The following SPMIP2 variants were observed in gnomAD, a reference collection of about 807,000 sequenced individuals.
SPMIP2 encodes the protein sperm microtubule inner protein 2.
the SPMIP2 span, among the ~76,000 whole-genome samples, chr4:158,900,853 A>G: frequency 0.013 from 1,961 of 152,236 alleles, 17 homozygotes; most frequent in Non-Finnish European, 0.02. Flanking sequence ...TAATATTGTT[A>G]TATGTGAATG....
At chr4:158,988,590 AAAT>A in the SPMIP2 span, among the ~76,000 whole-genome samples, 7 of 152,348 alleles carry the variant, frequency 4.6e-5, no homozygotes, top group Middle Eastern at 6.8e-3. Context: ...CAACCTACAC[AAAT>A]CAATAAAAGT....
At chr4:158,995,821 C>T in the SPMIP2 span, among the ~76,000 whole-genome samples, 1 of 141,316 alleles carries the variant, frequency 7.1e-6, no homozygotes, top group South Asian at 2.2e-4. Context: ...TGCACCACCG[C>T]ACTCCAGCCT....
chr4:158,964,151 T>TCAAAACAAAACAAAACAAAA, the SPMIP2 span, among the ~76,000 whole-genome samples: 1 of 100,080 alleles, frequency 1.0e-5, no homozygotes, highest in Non-Finnish European at 2.5e-5. Context: ...TGAGACTATC[T>TCAAAACAAAACAAAACAAAA]CAAAACAAAA....
the SPMIP2 span, among the ~76,000 whole-genome samples, chr4:158,931,474 C>A: frequency 1.3e-5 from 2 of 152,166 alleles, no homozygotes; most frequent in Admixed American, 1.3e-4. Context: ...CCAGGCTGGT[C>A]TTGAACTCTT....
chr4:159,007,535 A>G, the SPMIP2 span: 1 of 942,856 alleles, frequency 1.1e-6, no homozygotes, highest in South Asian at 1.3e-5. Flanking sequence ...ATTTTGGGGT[A>G]GCAATCCAGG....
chr4:159,025,956 A>G, the SPMIP2 span, among the ~76,000 whole-genome samples: 1 of 152,218 alleles, frequency 6.6e-6, no homozygotes. Flanking sequence ...ACAGTAAACA[A>G]TCAACTCATC....
At chr4:158,934,514 T>C in the SPMIP2 span, among the ~76,000 whole-genome samples, 1 of 152,022 alleles carries the variant, frequency 6.6e-6, no homozygotes, top group Non-Finnish European at 1.5e-5. Context: ...CTTATGAGGG[T>C]TAAATGAGTT....
At chr4:158,990,412 A>G in the SPMIP2 span, among the ~76,000 whole-genome samples, 1 of 152,358 alleles carries the variant, frequency 6.6e-6, no homozygotes, top group African/African-American at 2.4e-5. Context: ...ATTCTATTAT[A>G]AAGACACATG....
chr4:158,994,073 G>A, the SPMIP2 span, among the ~76,000 whole-genome samples: 1 of 152,160 alleles, frequency 6.6e-6, no homozygotes, highest in Non-Finnish European at 1.5e-5. Flanking sequence ...CACTCAGCAC[G>A]ATGTAGATGG....
At chr4:158,893,882 G>A in the SPMIP2 span, among the ~76,000 whole-genome samples, 1 of 152,142 alleles carries the variant, frequency 6.6e-6, no homozygotes, top group Non-Finnish European at 1.5e-5. Context: ...TTGGACAGAA[G>A]TGTGTTCAAG....
At chr4:159,047,486 C>CATTG in the SPMIP2 span, among the ~76,000 whole-genome samples, 1 of 151,822 alleles carries the variant, frequency 6.6e-6, no homozygotes, top group African/African-American at 2.4e-5. Flanking sequence ...TGCCTTGTTC[C>CATTG]ATTGATTGAT....
At chr4:158,967,775 T>TG in the SPMIP2 span, among the ~76,000 whole-genome samples, 1 of 152,166 alleles carries the variant, frequency 6.6e-6, no homozygotes, top group Non-Finnish European at 1.5e-5. Context: ...ATCAACTCCA[T>TG]GCTGGCAATA....
the SPMIP2 span, among the ~76,000 whole-genome samples, chr4:158,923,634 C>T: frequency 1.3e-5 from 2 of 152,080 alleles, no homozygotes; most frequent in African/African-American, 4.8e-5. Context: ...GGATTTTTTA[C>T]ATATAAGATC....
the SPMIP2 span, among the ~76,000 whole-genome samples, chr4:158,940,718 A>G: frequency 6.6e-6 from 1 of 152,120 alleles, no homozygotes; most frequent in African/African-American, 2.4e-5. Context: ...TAATGTAACC[A>G]GTTTGTTGTG....
the SPMIP2 span, among the ~76,000 whole-genome samples, chr4:158,983,258 C>T: frequency 2.0e-5 from 3 of 152,018 alleles, no homozygotes; most frequent in East Asian, 3.9e-4. Flanking sequence ...TCCAGGAGAA[C>T]TTCCCCAATC....
At chr4:159,035,881 G>A in the SPMIP2 span, among the ~76,000 whole-genome samples, 1 of 152,210 alleles carries the variant, frequency 6.6e-6, no homozygotes, top group Non-Finnish European at 1.5e-5. Flanking sequence ...CTATAGCACT[G>A]TGTTTAGATG....
At chr4:159,006,024 C>A in the SPMIP2 span, among the ~76,000 whole-genome samples, 2 of 152,214 alleles carry the variant, frequency 1.3e-5, no homozygotes, top group African/African-American at 4.8e-5. Flanking sequence ...CTTGGCCTCC[C>A]AAAGGCTGGG....
the SPMIP2 span, among the ~76,000 whole-genome samples, chr4:159,027,515 T>C: frequency 6.6e-6 from 1 of 152,216 alleles, no homozygotes; most frequent in African/African-American, 2.4e-5. Context: ...AAATGCAGTT[T>C]AGTCAACCCA....
the SPMIP2 span, among the ~76,000 whole-genome samples, chr4:159,032,734 G>A: frequency 6.7e-6 from 1 of 149,134 alleles, no homozygotes; most frequent in African/African-American, 2.5e-5. Context: ...ACGTAACATT[G>A]TAAAATGTCT....
Sources: gnomAD v4.1 joint callset for allele counts (sites outside exome capture counted in the v4.1 genomes callset) on GRCh38, gnomAD v4.1.1 for gene constraint, MANE v1.5 for transcripts, NCBI Gene and HGNC (gene_info 2026-07-23, HGNC 2026-07-21) for gene names.